The following SGCZ variants were observed in gnomAD, a reference collection of about 807,000 sequenced individuals.
The protein encoded by SGCZ is sarcoglycan zeta.
Under a neutral mutation model 41.3 loss-of-function variants are expected in SGCZ, and 40 were observed. That is an observed-to-expected ratio of 0.97 (90% CI 0.75 to 1.26). The LOEUF (loss-of-function observed/expected upper bound fraction) is 1.26. SGCZ is among the 50% of genes most tolerant of loss of function. SGCZ has a pLI of 0.00. For synonymous variants in SGCZ, 206 were observed against 137.5 expected, an observed-to-expected ratio of 1.50 and a Z score of -3.49; for missense variants, 552 against 369.8, an observed-to-expected ratio of 1.49 and a Z score of -4.04.
chr8:14,117,408 C>CTGTGTGTGTGTGTGTGTGTGTGTGTG (rs57595662), intron 5 of SGCZ, among the ~76,000 whole-genome samples: 2 of 131,492 alleles, frequency 1.5e-5, no homozygotes, highest in African/African-American at 5.6e-5. Context: ...ATGCACACAT[C>CTGTGTGTGTGTGTGTGTGTGTGTGTG]TGTGTGTGTG....
intron 1 of SGCZ, among the ~76,000 whole-genome samples, chr8:14,755,010 A>G (rs769836900): frequency 6.6e-5 from 10 of 152,214 alleles, no homozygotes; most frequent in Non-Finnish European, 1.5e-4. Flanking sequence ...GATTACAGGC[A>G]TCAGACACTG....
chr8:15,136,114 C>T (rs1288780340), intron 1 of SGCZ, among the ~76,000 whole-genome samples: 4 of 152,012 alleles, frequency 2.6e-5, no homozygotes. Context: ...CTGTCCCATC[C>T]CTGTTTTAGC....
intron 1 of SGCZ, among the ~76,000 whole-genome samples, chr8:14,962,426 T>C (rs1385847296): frequency 2.0e-5 from 3 of 152,008 alleles, no homozygotes; most frequent in Non-Finnish European, 4.4e-5. Flanking sequence ...TGATCTATCA[T>C]ACACACAAGA....
intron 1 of SGCZ, among the ~76,000 whole-genome samples, chr8:14,690,115 T>G (rs575696721): frequency 8.9e-5 from 13 of 146,238 alleles, no homozygotes; most frequent in African/African-American, 3.3e-4. Flanking sequence ...TGTTGTCTCT[T>G]TTTTTTTTTT....
chr8:14,614,633 G>C (rs562467928), intron 1 of SGCZ, among the ~76,000 whole-genome samples: 1 of 152,062 alleles, frequency 6.6e-6, no homozygotes, highest in African/African-American at 2.4e-5. Context: ...CTTCATTTTT[G>C]AGTTGGTACT....
At chr8:14,627,242 C>G (rs767395907) in intron 1 of SGCZ, among the ~76,000 whole-genome samples, 1 of 152,116 alleles carries the variant, frequency 6.6e-6, no homozygotes, top group Non-Finnish European at 1.5e-5. Flanking sequence ...CCACACAGAA[C>G]CTTTAGTTTA....
chr8:14,816,280 C>T (rs1801901101), intron 1 of SGCZ, among the ~76,000 whole-genome samples: 1 of 152,182 alleles, frequency 6.6e-6, no homozygotes. Context: ...CAACGTATTT[C>T]TGCCTGTTCT....
chr8:14,526,571 T>C (rs74699803), intron 2 of SGCZ, among the ~76,000 whole-genome samples: 6,099 of 152,256 alleles, frequency 0.04, 305 homozygotes, highest in African/African-American at 0.093. Flanking sequence ...ACACAATTGA[T>C]AGGAAATTAT....
intron 1 of SGCZ, among the ~76,000 whole-genome samples, chr8:14,940,751 G>A (rs1426788825): frequency 1.3e-5 from 2 of 151,840 alleles, no homozygotes; most frequent in Non-Finnish European, 2.9e-5. Context: ...AAGTGTGTAT[G>A]TGTGTGTGTG....
intron 1 of SGCZ, among the ~76,000 whole-genome samples, chr8:14,688,237 G>A (rs1808681575): frequency 6.6e-6 from 1 of 152,134 alleles, no homozygotes; most frequent in Non-Finnish European, 1.5e-5. Flanking sequence ...TGTTGCCATT[G>A]CTTTTGGTGT....
At chr8:15,196,022 C>T (rs1299880004) in intron 1 of SGCZ, among the ~76,000 whole-genome samples, 3 of 146,200 alleles carry the variant, frequency 2.1e-5, no homozygotes, top group South Asian at 4.4e-4. Context: ...CTCAGCCTCC[C>T]GAGTAGCTGG....
chr8:14,974,029 A>G (rs117168051), intron 1 of SGCZ, among the ~76,000 whole-genome samples: 1 of 152,274 alleles, frequency 6.6e-6, no homozygotes, highest in Non-Finnish European at 1.5e-5. Context: ...CTCTACCTAT[A>G]AAGCAGCTGC....
chr8:14,116,076 T>C (rs1443484293), intron 5 of SGCZ, among the ~76,000 whole-genome samples: 1 of 152,072 alleles, frequency 6.6e-6, no homozygotes, highest in Non-Finnish European at 1.5e-5. Flanking sequence ...AAGTGCTTTC[T>C]ATGGAAAATA....
intron 2 of SGCZ, 40 bp from the exon 3 acceptor site, chr8:14,324,244 G>C (rs1482978405): frequency 2.1e-6 from 3 of 1,426,840 alleles, no homozygotes; most frequent in Non-Finnish European, 3.0e-6. Context: ...AGGTTAATTG[G>C]AGAATGAATA....
intron 1 of SGCZ, among the ~76,000 whole-genome samples, chr8:14,878,421 G>A (rs1336125982): frequency 6.6e-6 from 1 of 152,158 alleles, no homozygotes; most frequent in African/African-American, 2.4e-5. Context: ...GGGAAAAAAA[G>A]GAAAGCACAT....
intron 1 of SGCZ, among the ~76,000 whole-genome samples, chr8:15,106,560 T>G (rs956074492): frequency 1.3e-5 from 2 of 152,102 alleles, no homozygotes; most frequent in Non-Finnish European, 2.9e-5. Flanking sequence ...CATCCTTTTA[T>G]TACATACAGA....
chr8:14,802,473 A>C (rs990859173), intron 1 of SGCZ, among the ~76,000 whole-genome samples: 1 of 152,222 alleles, frequency 6.6e-6, no homozygotes, highest in African/African-American at 2.4e-5. Context: ...CATTCAGGGG[A>C]TACTCCCATG....
At chr8:14,693,536 G>C (rs1009097786) in intron 1 of SGCZ, among the ~76,000 whole-genome samples, 5 of 146,232 alleles carry the variant, frequency 3.4e-5, no homozygotes, top group African/African-American at 1.3e-4. Flanking sequence ...CACTCCCCTC[G>C]GCCTCCCAAA....
chr8:14,930,124 T>C (rs1363796880), intron 1 of SGCZ, among the ~76,000 whole-genome samples: 1 of 151,930 alleles, frequency 6.6e-6, no homozygotes, highest in Non-Finnish European at 1.5e-5. Flanking sequence ...TAAATGTAAG[T>C]TATTTGAAAT....
Sources: allele counts gnomAD v4.1 joint callset (sites outside exome capture counted in the v4.1 genomes callset), GRCh38; gene constraint gnomAD v4.1.1; transcripts MANE v1.5; gene names NCBI Gene and HGNC (gene_info 2026-07-23, HGNC 2026-07-21).